Variants in SESN1 observed in about 807,000 individuals in gnomAD.
SESN1 encodes sestrin-1.
SESN1 carries 30 observed loss-of-function variants against 59.3 expected under a neutral mutation model. The ratio of observed to expected loss-of-function variants is 0.51; its 90% confidence interval spans 0.38 to 0.69. The LOEUF (loss-of-function observed/expected upper bound fraction) is 0.69. SESN1 is among the 30% of genes least tolerant of loss of function. The pLI is 0.00. For synonymous variants in SESN1, 197 were observed against 219.9 expected (o/e 0.90, Z 0.92); for missense variants, 566 against 673.0 (o/e 0.84, Z 1.76).
intron 1 of SESN1, among the ~76,000 whole-genome samples, chr6:109,019,958 A>T (rs893623082): frequency 1.2e-4 from 18 of 152,248 alleles, no homozygotes; most frequent in African/African-American, 2.4e-4. Context: ...AGTGGGTTTT[A>T]AAAAATCTAA....
At chr6:109,034,495 G>A (rs191218514) in intron 1 of SESN1, among the ~76,000 whole-genome samples, 54 of 152,150 alleles carry the variant, frequency 3.5e-4, no homozygotes, top group African/African-American at 1.1e-3. Context: ...AAAATTTACT[G>A]ATCAGCATCG....
At chr6:109,076,019 G>C (rs1050972883) in intron 1 of SESN1, among the ~76,000 whole-genome samples, 4 of 152,204 alleles carry the variant, frequency 2.6e-5, no homozygotes, top group Non-Finnish European at 5.9e-5. Flanking sequence ...GTCTCTCTCT[G>C]TCATCCAAGG....
At chr6:109,017,412 A>G (rs974288562) in intron 1 of SESN1, among the ~76,000 whole-genome samples, 5 of 152,002 alleles carry the variant, frequency 3.3e-5, no homozygotes, top group Non-Finnish European at 7.4e-5. Context: ...CAGCCTCCCA[A>G]GCAGCTGGGA....
intron 1 of SESN1, among the ~76,000 whole-genome samples, chr6:109,085,411 T>C (rs1038407059): frequency 3.9e-5 from 6 of 152,024 alleles, no homozygotes; most frequent in African/African-American, 7.2e-5. Flanking sequence ...CCCAGCTACT[T>C]GGGAGGCTGA....
chr6:109,007,204 G>A (rs1779750915), intron 1 of SESN1, among the ~76,000 whole-genome samples: 1 of 152,280 alleles, frequency 6.6e-6, no homozygotes. Context: ...AGTGAATGTT[G>A]ACAGTAGTAC....
chr6:109,083,809 T>C (rs1178683900), intron 1 of SESN1, among the ~76,000 whole-genome samples: 1 of 152,230 alleles, frequency 6.6e-6, no homozygotes, highest in East Asian at 1.9e-4. Flanking sequence ...CAAGGCTCAG[T>C]TTTTATCACA....
chr6:109,046,621 C>T (rs1175203678), intron 1 of SESN1, among the ~76,000 whole-genome samples: 1 of 140,884 alleles, frequency 7.1e-6, no homozygotes, highest in African/African-American at 2.6e-5. Flanking sequence ...CGGCCGCCAT[C>T]CCATCTAGGA....
At chr6:108,994,055 G>A (rs529078210) in intron 6 of SESN1, among the ~76,000 whole-genome samples, 2 of 149,976 alleles carry the variant, frequency 1.3e-5, no homozygotes, top group East Asian at 2.0e-4. Flanking sequence ...CAGGATGATC[G>A]CTTGAGCCTA....
At chr6:109,038,440 T>C (rs1019565996) in intron 1 of SESN1, among the ~76,000 whole-genome samples, 2 of 152,208 alleles carry the variant, frequency 1.3e-5, no homozygotes, top group Admixed American at 6.5e-5. Context: ...TGCAGTGAGC[T>C]GAGCTGAGAT....
intron 1 of SESN1, among the ~76,000 whole-genome samples, chr6:109,027,476 CAAAAAA>C (rs57225616): frequency 1.8e-4 from 5 of 27,326 alleles, no homozygotes; most frequent in Admixed American, 1.5e-3. Flanking sequence ...GACTCTGTCT[CAAAAAA>C]AAAAAAAAAA....
At chr6:109,059,850 A>G (rs951815892) in intron 1 of SESN1, among the ~76,000 whole-genome samples, 1 of 152,216 alleles carries the variant, frequency 6.6e-6, no homozygotes, top group African/African-American at 2.4e-5. Context: ...AATATTCCCG[A>G]GACTTTTCTG....
At chr6:109,035,720 C>T (rs895456485) in intron 1 of SESN1, among the ~76,000 whole-genome samples, 4 of 152,104 alleles carry the variant, frequency 2.6e-5, no homozygotes, top group African/African-American at 9.7e-5. Flanking sequence ...CCCACCTTAG[C>T]CTCCCCAGTA....
chr6:109,048,707 C>A (rs1780492309), intron 1 of SESN1, among the ~76,000 whole-genome samples: 1 of 152,114 alleles, frequency 6.6e-6, no homozygotes, highest in African/African-American at 2.4e-5. Flanking sequence ...TTATTTTTAA[C>A]CTAAAATAAT....
chr6:109,037,272 T>C (rs1216458278), intron 1 of SESN1, among the ~76,000 whole-genome samples: 1 of 152,232 alleles, frequency 6.6e-6, no homozygotes. Flanking sequence ...CCATTAAGGT[T>C]ATAAAAATTT....
At chr6:109,000,128 T>C (rs186384063) in intron 4 of SESN1, 1 of 158,548 alleles carries the variant, frequency 6.3e-6, no homozygotes, top group Admixed American at 6.5e-5. Flanking sequence ...GTTGCAGGGG[T>C]TTAGGGGAAG....
chr6:109,044,201 G>A (rs931478283), intron 1 of SESN1, among the ~76,000 whole-genome samples: 23 of 151,174 alleles, frequency 1.5e-4, no homozygotes, highest in Middle Eastern at 3.4e-3. Flanking sequence ...GGTGATCCCA[G>A]CTACTTGGGA....
At chr6:108,989,001 C>A (rs1329303158) in intron 8 of SESN1, among the ~76,000 whole-genome samples, 1 of 152,158 alleles carries the variant, frequency 6.6e-6, no homozygotes, top group African/African-American at 2.4e-5. Flanking sequence ...CGTAGCCACA[C>A]TGAGGAACAA....
rs977726625 is a variant in SESN1 at position 108,998,346 on chromosome 6, G to A, written c.972+167C>T. The A allele has an allele frequency of 5.8e-5, 39 of 673,918 alleles. No homozygotes were observed. The African/African-American group carries it at 7.1e-4, about 12-fold the overall frequency. The allele number at this position is 673,918 out of a possible 1,614,324, so 41.7% of individuals were successfully genotyped here. A position where few individuals can be genotyped will look rare whatever the true frequency, so the allele number is the denominator to read the frequency against. The stretch of plus-strand genomic sequence containing the variant: ...GTTGTATATCACCTAGACTAGTGAT[G>A]AGCATGTGAGGCAGTCAATAAAACC... On this transcript the variant is annotated intron_variant, in intron 5 of 9. Coordinates refer to ENST00000436639, the MANE Select transcript of SESN1 (RefSeq NM_014454.3).
intron 1 of SESN1, among the ~76,000 whole-genome samples, chr6:109,084,159 A>G: frequency 6.6e-6 from 1 of 152,362 alleles, no homozygotes; most frequent in Non-Finnish European, 1.5e-5. Context: ...TCACTAAATG[A>G]ATATGTATAT....
Sources: gnomAD v4.1 joint callset for allele counts (sites outside exome capture counted in the v4.1 genomes callset) on GRCh38, gnomAD v4.1.1 for gene constraint, MANE v1.5 for transcripts, NCBI Gene and HGNC (gene_info 2026-07-23, HGNC 2026-07-21) for gene names.